CTIF: variants seen among roughly 807,000 people sequenced by gnomAD.
The protein encoded by CTIF is cap binding complex dependent translation initiation factor.
In CTIF, 21 loss-of-function variants were observed where a neutral mutation model predicts 66.0. The observed-to-expected ratio is 0.32, with a 90% CI of 0.23 to 0.46. The LOEUF (loss-of-function observed/expected upper bound fraction) is 0.46, where lower values mean the gene tolerates loss of function less well. Ranked by LOEUF, CTIF falls within the 20% of genes least tolerant of loss-of-function variation. The pLI, the probability that CTIF is intolerant of heterozygous loss-of-function variation, is 1.00. For missense variants in CTIF, 739 were observed against 812.7 expected, an observed-to-expected ratio of 0.91 and a Z score of 1.10; for synonymous variants, 345 against 326.4, an observed-to-expected ratio of 1.06 and a Z score of -0.62.
At chr18:48,805,378 G>A (rs771145433) in intron 9 of CTIF, among the ~76,000 whole-genome samples, 3 of 150,498 alleles carry the variant, frequency 2.0e-5, no homozygotes, top group Admixed American at 6.6e-5. Flanking sequence ...TGATAGGAAC[G>A]GAGGAGTGAG....
chr18:48,663,369 A>G (rs368162234), intron 3 of CTIF, among the ~76,000 whole-genome samples: 10 of 152,192 alleles, frequency 6.6e-5, no homozygotes, highest in African/African-American at 2.2e-4. Flanking sequence ...GGCAGCCTCC[A>G]TGGGCTCCCC....
chr18:48,863,113 C>T lies in CTIF; in HGVS notation c.*3554C>T, dbSNP rs1004324657. ...GCTTCCCGCCAAAGCTGCCGCGGAA[C>T]CCCGCTAGTGCGACCACCCTCCCTC... On this transcript the variant is annotated 3_prime_UTR_variant, in exon 12 of 12. Coordinates refer to ENST00000256413, the MANE Select transcript of CTIF (RefSeq NM_014772.3). 3 of 152,286 alleles carry T rather than the reference C, an allele frequency of 2.0e-5. No individual in the cohort carries two copies. The highest frequency in any genetic ancestry group is 4.4e-5 in the Non-Finnish European group (3 of 68,054). The allele number at this position is 152,286 out of a possible 1,614,324, so 9.4% of individuals were successfully genotyped here. A position where few individuals can be genotyped will look rare whatever the true frequency, so the allele number is the denominator to read the frequency against.
intron 3 of CTIF, among the ~76,000 whole-genome samples, chr18:48,638,124 G>T (rs889707902): frequency 1.8e-4 from 28 of 152,028 alleles, no homozygotes; most frequent in African/African-American, 6.8e-4. Flanking sequence ...CCTAGCTTTT[G>T]GTCTAGGCCC....
At chr18:48,570,808 G>T (rs1349622195) in intron 1 of CTIF, among the ~76,000 whole-genome samples, 1 of 152,142 alleles carries the variant, frequency 6.6e-6, no homozygotes, top group African/African-American at 2.4e-5. Context: ...CAGACTTTGA[G>T]GAGGGTGGAG....
At chr18:48,708,952 A>T (rs926020694) in intron 6 of CTIF, among the ~76,000 whole-genome samples, 2 of 152,188 alleles carry the variant, frequency 1.3e-5, no homozygotes, top group African/African-American at 4.8e-5. Flanking sequence ...CCCTGAGCAG[A>T]GTGTCAGGAT....
chr18:48,833,473 C>T (rs973978199), intron 10 of CTIF, among the ~76,000 whole-genome samples: 6 of 151,998 alleles, frequency 3.9e-5, no homozygotes, highest in Admixed American at 3.3e-4. Flanking sequence ...TCTCTAAATG[C>T]CCCCCTGCCC....
At chr18:48,622,348 A>G (rs981131154) in intron 2 of CTIF, among the ~76,000 whole-genome samples, 1 of 151,990 alleles carries the variant, frequency 6.6e-6, no homozygotes, top group African/African-American at 2.4e-5. Context: ...GTCATGGGTC[A>G]GGAGAGGGCT....
At chr18:48,729,690 T>C (rs1478958578) in intron 7 of CTIF, among the ~76,000 whole-genome samples, 1 of 152,216 alleles carries the variant, frequency 6.6e-6, no homozygotes, top group Non-Finnish European at 1.5e-5. Flanking sequence ...AAACACGTGC[T>C]CCTTTTTCAC....
chr18:48,846,578 G>T (rs1300334867), intron 10 of CTIF, among the ~76,000 whole-genome samples: 1 of 151,540 alleles, frequency 6.6e-6, no homozygotes, highest in Admixed American at 6.6e-5. Context: ...TGGATGGGTA[G>T]GTGGGTGGGT....
At chr18:48,760,197 T>C (rs1568195402) in intron 8 of CTIF, 1 of 150,712 alleles carries the variant, frequency 6.6e-6, no homozygotes, top group African/African-American at 2.4e-5. Context: ...TTTTTTTTTT[T>C]TTTTTTTTGA....
In CTIF at chr18:48,844,919, G is replaced by A. The variant is rs1015174610; in HGVS notation, c.1528-12669G>A. On this transcript the variant is annotated intron_variant, in intron 10 of 11. Transcript: ENST00000256413. Reference sequence around the variant, plus strand: ...CTACTCTTCTTTAAGGCAGATCTATGTACTTGATCCTTTCCTCCTTTCTGA... The same window carrying A: ...CTACTCTTCTTTAAGGCAGATCTATATACTTGATCCTTTCCTCCTTTCTGA... Among the ~76,000 whole-genome samples the A allele has an allele frequency of 4.6e-5, 7 of 152,264 alleles. No individual in the cohort carries two copies. In the South Asian group the frequency reaches 1.5e-3, roughly 32 times the overall value.
intron 8 of CTIF, among the ~76,000 whole-genome samples, chr18:48,759,169 G>T (rs538922368): frequency 6.6e-6 from 1 of 152,298 alleles, no homozygotes; most frequent in African/African-American, 2.4e-5. Context: ...GCTCACCCCA[G>T]TGCCACCACC....
chr18:48,804,387 TCCTCAGGGCCAGG>T (rs1335067402), intron 9 of CTIF, among the ~76,000 whole-genome samples: 3 of 152,090 alleles, frequency 2.0e-5, no homozygotes, highest in Non-Finnish European at 2.9e-5. Flanking sequence ...TGTGGCTGAG[TCCTCAGGGCCAGG>T]CCTCAGGGCT....
chr18:48,578,166 T>TA (rs1226415218), intron 1 of CTIF, among the ~76,000 whole-genome samples: 4 of 152,200 alleles, frequency 2.6e-5, no homozygotes, highest in Non-Finnish European at 5.9e-5. Flanking sequence ...ATTTTTTTTT[T>TA]ATCACTGAGT....
intron 7 of CTIF, among the ~76,000 whole-genome samples, chr18:48,713,912 G>A (rs547647672): frequency 4.7e-4 from 72 of 152,326 alleles, no homozygotes; most frequent in Admixed American, 1.8e-3. Flanking sequence ...GCGTGTGCTC[G>A]TCGGGGCGCC....
At chr18:48,676,581 G>A (rs1189294264) in intron 6 of CTIF, among the ~76,000 whole-genome samples, 2 of 152,126 alleles carry the variant, frequency 1.3e-5, no homozygotes, top group African/African-American at 4.8e-5. Flanking sequence ...TGCTGTGAAA[G>A]GGGCTTAGTG....
chr18:48,730,325 AGGGGCCCCTGCGGTGT>A (rs2092431181), intron 7 of CTIF, among the ~76,000 whole-genome samples: 2 of 102,380 alleles, frequency 2.0e-5, no homozygotes, highest in Non-Finnish European at 4.3e-5. Context: ...CTGCGGTGTG[AGGGGCCCCTGCGGTGT>A]GAGGGGCTCC....
At chr18:48,850,034 A>G (rs915857115) in intron 10 of CTIF, among the ~76,000 whole-genome samples, 2 of 152,084 alleles carry the variant, frequency 1.3e-5, no homozygotes, top group Non-Finnish European at 2.9e-5. Flanking sequence ...CCCTCTTCCC[A>G]GTTCCTGGCA....
intron 7 of CTIF, among the ~76,000 whole-genome samples, chr18:48,755,501 C>T (rs1057174580): frequency 1.8e-4 from 27 of 152,318 alleles, no homozygotes; most frequent in African/African-American, 6.3e-4. Context: ...TCAAGGGCCC[C>T]ACTTTTCTCA....
Sources: gnomAD v4.1 joint callset for allele counts (sites outside exome capture counted in the v4.1 genomes callset) on GRCh38, gnomAD v4.1.1 for gene constraint, MANE v1.5 for transcripts, NCBI Gene and HGNC (gene_info 2026-07-23, HGNC 2026-07-21) for gene names.